THRB: variants seen among roughly 807,000 people sequenced by gnomAD.
The protein encoded by THRB is nuclear receptor subfamily 1 group A member 2.
A neutral mutation model predicts 47.8 loss-of-function variants in THRB; 12 were observed. The ratio of observed to expected loss-of-function variants is 0.25; its 90% CI spans 0.16 to 0.41. The LOEUF (loss-of-function observed/expected upper bound fraction) is 0.41, where lower values mean the gene tolerates loss of function less well. THRB is among the 10% of genes least tolerant of loss of function. The pLI is 1.00. For missense variants in THRB, 348 were observed against 589.2 expected, an observed-to-expected ratio of 0.59 and a Z score of 4.24; for synonymous variants, 218 against 212.2, an observed-to-expected ratio of 1.03 and a Z score of -0.24.
intron 1 of THRB, among the ~76,000 whole-genome samples, chr3:24,469,146 A>G (rs1054656179): frequency 6.6e-6 from 1 of 152,132 alleles, no homozygotes; most frequent in Non-Finnish European, 1.5e-5. Flanking sequence ...AGACACCCCA[A>G]TTTAAATGTG....
At chr3:24,216,263 A>C (rs1033313004) in intron 4 of THRB, among the ~76,000 whole-genome samples, 1 of 152,208 alleles carries the variant, frequency 6.6e-6, no homozygotes, top group African/African-American at 2.4e-5. Context: ...GCATTGAACT[A>C]GATGGTCTCT....
chr3:24,223,898 G>T (rs559060625), intron 4 of THRB, among the ~76,000 whole-genome samples: 1 of 151,818 alleles, frequency 6.6e-6, no homozygotes, highest in Non-Finnish European at 1.5e-5. Context: ...GTGTGTGGGG[G>T]GGGTATATAG....
chr3:24,183,547 T>G (rs1240181683), intron 5 of THRB, among the ~76,000 whole-genome samples: 4 of 151,718 alleles, frequency 2.6e-5, no homozygotes, highest in Non-Finnish European at 5.9e-5. Flanking sequence ...TTTTTTTGTA[T>G]TTTTTGTAGA....
intron 1 of THRB, among the ~76,000 whole-genome samples, chr3:24,404,423 CT>C (rs1209993184): frequency 6.6e-6 from 1 of 151,828 alleles, no homozygotes; most frequent in Non-Finnish European, 1.5e-5. Context: ...AATACTCTTC[CT>C]TTTTACAATG....
intron 3 of THRB, among the ~76,000 whole-genome samples, chr3:24,289,043 A>G (rs181037701): frequency 6.6e-6 from 1 of 152,310 alleles, no homozygotes; most frequent in East Asian, 1.9e-4. Flanking sequence ...AGTGCTGGCT[A>G]AGAAGAGGGA....
At chr3:24,333,742 G>A (rs756249805) in intron 2 of THRB, among the ~76,000 whole-genome samples, 1 of 152,202 alleles carries the variant, frequency 6.6e-6, no homozygotes, top group Admixed American at 6.5e-5. Flanking sequence ...CTAAATTTGT[G>A]TTAATGTGGA....
chr3:24,465,480 G>A (rs555614442), intron 1 of THRB, among the ~76,000 whole-genome samples: 17 of 152,152 alleles, frequency 1.1e-4, no homozygotes, highest in Non-Finnish European at 2.2e-4. Context: ...TCGGCTCACT[G>A]CAACCTCCAA....
chr3:24,486,242 G>A (rs959632746), intron 1 of THRB, among the ~76,000 whole-genome samples: 3 of 152,128 alleles, frequency 2.0e-5, no homozygotes, highest in Non-Finnish European at 2.9e-5. Flanking sequence ...ATGCCATAGC[G>A]TAGAGGAATT....
intron 1 of THRB, among the ~76,000 whole-genome samples, chr3:24,477,336 G>A (rs1398739210): frequency 6.6e-6 from 1 of 152,088 alleles, no homozygotes; most frequent in Non-Finnish European, 1.5e-5. Flanking sequence ...TCCTTTTATA[G>A]TTTGTTTTCT....
In THRB at chr3:24,118,948, G is replaced by A. The variant is rs890298316; in HGVS notation, c.*3936C>T. The A allele has an allele frequency of 1.4e-5, 2 of 144,684 alleles. No individual in the cohort carries two copies. The highest frequency in any genetic ancestry group is 5.1e-5 in the African/African-American group (2 of 39,204). 9.0% of individuals were successfully genotyped at this position (144,684 alleles called of 1,614,324 possible). ...AGCACAGTAAAAATTCTGTGATAAG[G>A]CCAAACCTTTTTTCCCCCAGTCTGG... is the stretch of plus-strand genomic sequence containing the variant. On this transcript the variant is annotated 3_prime_UTR_variant, in exon 11 of 11. Transcript: ENST00000646209.
chr3:24,445,728 T>C (rs1414788663), intron 1 of THRB, among the ~76,000 whole-genome samples: 2 of 152,154 alleles, frequency 1.3e-5, no homozygotes, highest in Non-Finnish European at 2.9e-5. Context: ...AAAACGTCCA[T>C]GCCCTTTGAT....
chr3:24,255,923 C>A (rs1248370328), intron 3 of THRB, among the ~76,000 whole-genome samples: 1 of 152,176 alleles, frequency 6.6e-6, no homozygotes, highest in Non-Finnish European at 1.5e-5. Flanking sequence ...GAGGGGAAGC[C>A]TTCATTGTCA....
chr3:24,208,001 C>G lies in THRB; in HGVS notation c.23-17667G>C, dbSNP rs576116726. Among the ~76,000 whole-genome samples, 11 of 152,310 alleles carry G rather than the reference C, an allele frequency of 7.2e-5. No individual in the cohort carries two copies. In the South Asian group the frequency reaches 1.7e-3, roughly 23 times the overall value. ...CTGATAAGCAACTTCAGCAAAGCCT[C>G]AGGACACAAAATCAATGTGCAAAAA... On this transcript the variant is annotated intron_variant, in intron 4 of 10. Coordinates refer to ENST00000646209, the MANE Select transcript of THRB (RefSeq NM_001354712.2).
intron 1 of THRB, among the ~76,000 whole-genome samples, chr3:24,474,793 C>T (rs1054040093): frequency 3.9e-5 from 6 of 152,106 alleles, no homozygotes; most frequent in African/African-American, 1.4e-4. Flanking sequence ...AAGTTCAAGC[C>T]TCAAACATAA....
At chr3:24,231,499 C>T (rs1172520496) in intron 3 of THRB, among the ~76,000 whole-genome samples, 1 of 151,990 alleles carries the variant, frequency 6.6e-6, no homozygotes, top group Non-Finnish European at 1.5e-5. Context: ...CAATTTAGTA[C>T]TTCAGTATTT....
intron 5 of THRB, chr3:24,164,942 A>T: frequency 1.6e-6 from 1 of 626,882 alleles, no homozygotes; most frequent in Non-Finnish European, 2.9e-6. Context: ...CAAAGATTTG[A>T]CGAAGCTGAT....
chr3:24,200,365 A>C (rs2044449296), intron 4 of THRB, among the ~76,000 whole-genome samples: 1 of 152,162 alleles, frequency 6.6e-6, no homozygotes, highest in African/African-American at 2.4e-5. Flanking sequence ...CTGACTTTGG[A>C]AACTAGGACT....
At chr3:24,480,159 A>C (rs1696149785) in intron 1 of THRB, among the ~76,000 whole-genome samples, 1 of 152,096 alleles carries the variant, frequency 6.6e-6, no homozygotes, top group Admixed American at 6.5e-5. Flanking sequence ...TCCCCCCTAA[A>C]AATCACTTGC....
At chr3:24,313,248 G>A (rs557797165) in intron 2 of THRB, among the ~76,000 whole-genome samples, 9 of 152,088 alleles carry the variant, frequency 5.9e-5, no homozygotes, top group Non-Finnish European at 1.3e-4. Context: ...AACCACTCGG[G>A]AAATCATTGT....
Sources: allele counts gnomAD v4.1 joint callset (sites outside exome capture counted in the v4.1 genomes callset), GRCh38; gene constraint gnomAD v4.1.1; transcripts MANE v1.5; gene names NCBI Gene and HGNC (gene_info 2026-07-23, HGNC 2026-07-21).